The following MALRD1 variants were observed in gnomAD, a reference collection of about 807,000 sequenced individuals.
MALRD1 encodes the protein MAM and LDL receptor class A domain containing 1.
A neutral mutation model predicts 242.1 loss-of-function variants in MALRD1; 247 were observed. That is an observed-to-expected ratio of 1.02 (90% CI 0.92 to 1.13). MALRD1 has a LOEUF of 1.13. Ranked by LOEUF, MALRD1 falls within the 50% of genes most tolerant of loss-of-function variation. The pLI, the probability that MALRD1 is intolerant of heterozygous loss-of-function variation, is 0.00. For missense variants in MALRD1, 2,989 were observed against 2,533.1 expected (o/e 1.18, Z -3.86); for synonymous variants, 995 against 866.6 (o/e 1.15, Z -2.60).
chr10:19,682,267 A>G (rs1334460690), intron 36 of MALRD1, among the ~76,000 whole-genome samples: 1 of 152,182 alleles, frequency 6.6e-6, no homozygotes, highest in African/African-American at 2.4e-5. Context: ...AGATGGGCAC[A>G]CAATGACAAT....
At chr10:19,297,473 T>C (rs1841759046) in intron 21 of MALRD1, among the ~76,000 whole-genome samples, 1 of 151,816 alleles carries the variant, frequency 6.6e-6, no homozygotes, top group African/African-American at 2.4e-5. Context: ...TGTGGAATAA[T>C]AAAGTTTGGG....
intron 12 of MALRD1, among the ~76,000 whole-genome samples, chr10:19,160,226 G>T: frequency 6.6e-6 from 1 of 151,526 alleles, no homozygotes; most frequent in Non-Finnish European, 1.5e-5. Flanking sequence ...TAATCATGTG[G>T]TTTTTGTCTT....
At chr10:19,338,018 C>T (rs556805185) in intron 24 of MALRD1, among the ~76,000 whole-genome samples, 35 of 150,460 alleles carry the variant, frequency 2.3e-4, no homozygotes, top group Admixed American at 1.4e-3. Context: ...GCCAAGATCA[C>T]GCCACTGCAC....
At chr10:19,049,823 A>T (rs1385194841) in intron 1 of MALRD1, among the ~76,000 whole-genome samples, 1 of 152,240 alleles carries the variant, frequency 6.6e-6, no homozygotes, top group Non-Finnish European at 1.5e-5. Context: ...ACTAAGGAAC[A>T]GGAAGAAGCT....
chr10:19,572,043 C>T (rs961986859), intron 33 of MALRD1, among the ~76,000 whole-genome samples: 1 of 152,188 alleles, frequency 6.6e-6, no homozygotes, highest in Non-Finnish European at 1.5e-5. Flanking sequence ...CAACATTTGT[C>T]ACCCCAAGTT....
chr10:19,593,832 T>C (rs1837939950), intron 33 of MALRD1, among the ~76,000 whole-genome samples: 2 of 152,204 alleles, frequency 1.3e-5, no homozygotes, highest in South Asian at 2.1e-4. Context: ...ATTTGTGGGC[T>C]TCAGTGTCTT....
At chr10:19,128,993 T>C (rs1837368979) in intron 8 of MALRD1, among the ~76,000 whole-genome samples, 2 of 152,168 alleles carry the variant, frequency 1.3e-5, no homozygotes, top group African/African-American at 4.8e-5. Context: ...CTGCTTTTTC[T>C]ACTCTTACGC....
chr10:19,202,740 T>C (rs1588691645), intron 14 of MALRD1, among the ~76,000 whole-genome samples: 1 of 152,316 alleles, frequency 6.6e-6, no homozygotes, highest in East Asian at 1.9e-4. Context: ...GTCTGTGTAG[T>C]AACAGCTGAA....
At chr10:19,234,938 T>C (rs72788019) in intron 18 of MALRD1, among the ~76,000 whole-genome samples, 13,258 of 152,072 alleles carry the variant, frequency 0.087, 658 homozygotes, top group Middle Eastern at 0.11. Context: ...GAACTGGGAA[T>C]TAAAAAGATG....
At chr10:19,059,449 A>C (rs1590370650) in intron 1 of MALRD1, among the ~76,000 whole-genome samples, 1 of 152,148 alleles carries the variant, frequency 6.6e-6, no homozygotes, top group East Asian at 1.9e-4. Context: ...GTGCAGTGGC[A>C]TGATCTCGGC....
At chr10:19,732,161 A>C (rs560378827) in intron 39 of MALRD1, among the ~76,000 whole-genome samples, 22 of 152,370 alleles carry the variant, frequency 1.4e-4, no homozygotes, top group African/African-American at 4.8e-4. Context: ...TGGATAAAAA[A>C]ACACATACAC....
At chr10:19,358,881 G>A (rs1195195403) in intron 26 of MALRD1, among the ~76,000 whole-genome samples, 2 of 152,010 alleles carry the variant, frequency 1.3e-5, no homozygotes, top group Non-Finnish European at 2.9e-5. Context: ...GAAAGCAAGG[G>A]TTCAGTTCTC....
intron 38 of MALRD1, among the ~76,000 whole-genome samples, chr10:19,715,163 C>T (rs1834324397): frequency 6.6e-6 from 1 of 152,064 alleles, no homozygotes. Flanking sequence ...CTCCTTATTT[C>T]CCTATACTGA....
chr10:19,603,495 G>C (rs1468731009), intron 34 of MALRD1, among the ~76,000 whole-genome samples: 1 of 152,148 alleles, frequency 6.6e-6, no homozygotes, highest in Admixed American at 6.6e-5. Flanking sequence ...TCAAAGATCA[G>C]ATGGTTGTAG....
At chr10:19,277,992 C>A (rs769266505) in intron 19 of MALRD1, among the ~76,000 whole-genome samples, 3 of 152,042 alleles carry the variant, frequency 2.0e-5, no homozygotes, top group Non-Finnish European at 2.9e-5. Context: ...CACACTGATG[C>A]CAAAAAGTGC....
At chr10:19,582,338 G>T (rs1293345767) in intron 33 of MALRD1, among the ~76,000 whole-genome samples, 1 of 149,530 alleles carries the variant, frequency 6.7e-6, no homozygotes, top group Non-Finnish European at 1.5e-5. Context: ...TTTTCTTCTA[G>T]GGTTTTTATG....
chr10:19,475,834 C>T (rs1228206062), intron 29 of MALRD1, among the ~76,000 whole-genome samples: 2 of 152,164 alleles, frequency 1.3e-5, no homozygotes, highest in Non-Finnish European at 2.9e-5. Context: ...TCTGATTGCT[C>T]AGCTTCTCAA....
chr10:19,536,583 T>A lies in MALRD1; in HGVS notation c.5478+5232T>A, dbSNP rs535380670. Among the ~76,000 whole-genome samples the A allele has an allele frequency of 7.5e-4, 114 of 152,180 alleles. 2 individuals are homozygous for A. In the South Asian group the frequency reaches 0.023, roughly 31 times the overall value. ...TCTCTCTATATTAAACTTCCTTTAT[T>A]TGAAATATGTTAGTTTAGCTACTCT... On this transcript the variant is annotated intron_variant, in intron 32 of 39. Transcript: ENST00000454679.
intron 5 of MALRD1, among the ~76,000 whole-genome samples, chr10:19,117,679 A>G (rs1836919765): frequency 6.6e-6 from 1 of 152,194 alleles, no homozygotes; most frequent in African/African-American, 2.4e-5. Context: ...TTTTCAGTGC[A>G]TCTTACATTC....
Sources: allele counts gnomAD v4.1 joint callset (sites outside exome capture counted in the v4.1 genomes callset), GRCh38; gene constraint gnomAD v4.1.1; transcripts MANE v1.5; gene names NCBI Gene and HGNC (gene_info 2026-07-23, HGNC 2026-07-21).